Variants in CTNNA3 observed in about 807,000 individuals in gnomAD.
The protein encoded by CTNNA3 is catenin alpha 3, also known as catenin alpha-3.
A neutral mutation model predicts 95.7 loss-of-function variants in CTNNA3; 76 were observed. The observed-to-expected ratio is 0.79, with a 90% CI of 0.66 to 0.96. The LOEUF is 0.96. Ranked by LOEUF, CTNNA3 falls within the 40% of genes least tolerant of loss-of-function variation. CTNNA3 has a pLI of 0.00. For missense variants in CTNNA3, 1,191 were observed against 1,089.8 expected, an observed-to-expected ratio of 1.09 and a Z score of -1.31; for synonymous variants, 431 against 374.4, an observed-to-expected ratio of 1.15 and a Z score of -1.74.
intron 7 of CTNNA3, among the ~76,000 whole-genome samples, chr10:66,824,896 G>C (rs576509895): frequency 6.6e-6 from 1 of 152,200 alleles, no homozygotes; most frequent in East Asian, 1.9e-4. Flanking sequence ...GTGGAGTTTG[G>C]TTAACATTAA....
At chr10:66,416,539 A>T (rs1464796532) in intron 11 of CTNNA3, among the ~76,000 whole-genome samples, 1 of 132,374 alleles carries the variant, frequency 7.6e-6, no homozygotes, top group Non-Finnish European at 1.6e-5. Context: ...AAAATAGAGA[A>T]TTTTTTTTTT....
chr10:66,887,402 A>C (rs1378282772), intron 7 of CTNNA3, among the ~76,000 whole-genome samples: 1 of 152,210 alleles, frequency 6.6e-6, no homozygotes, highest in Non-Finnish European at 1.5e-5. Flanking sequence ...ATGCTAAAAG[A>C]AAAAGTCTAG....
intron 11 of CTNNA3, among the ~76,000 whole-genome samples, chr10:66,504,656 G>A (rs1045077622): frequency 2.6e-5 from 4 of 152,022 alleles, no homozygotes; most frequent in South Asian, 2.1e-4. Context: ...ATATCCTAAA[G>A]GATTCACCAT....
At chr10:67,035,556 G>C (rs1157919891) in intron 7 of CTNNA3, among the ~76,000 whole-genome samples, 1 of 152,044 alleles carries the variant, frequency 6.6e-6, no homozygotes, top group African/African-American at 2.4e-5. Flanking sequence ...CTAACTCGGA[G>C]AACTTTTTGA....
At chr10:66,191,056 A>C (rs756181771) in intron 13 of CTNNA3, among the ~76,000 whole-genome samples, 11 of 152,136 alleles carry the variant, frequency 7.2e-5, no homozygotes, top group Non-Finnish European at 1.5e-5. Context: ...TATACTTTCT[A>C]GTGTGATGTG....
At chr10:67,259,538 G>A (rs1252721533) in intron 5 of CTNNA3, among the ~76,000 whole-genome samples, 1 of 152,192 alleles carries the variant, frequency 6.6e-6, no homozygotes, top group South Asian at 2.1e-4. Flanking sequence ...TTTACAGAGT[G>A]AATAATACTT....
intron 7 of CTNNA3, among the ~76,000 whole-genome samples, chr10:67,021,281 C>T (rs1008216146): frequency 6.6e-6 from 1 of 152,142 alleles, no homozygotes; most frequent in Non-Finnish European, 1.5e-5. Context: ...TACCATTTCA[C>T]ACCTTTAAAA....
At chr10:66,375,440 C>T (rs1401994927) in intron 12 of CTNNA3, among the ~76,000 whole-genome samples, 2 of 152,008 alleles carry the variant, frequency 1.3e-5, no homozygotes, top group Non-Finnish European at 2.9e-5. Flanking sequence ...GGTCAAAACT[C>T]CACTGGCCAC....
At chr10:66,794,436 C>G (rs1296374839) in intron 7 of CTNNA3, among the ~76,000 whole-genome samples, 2 of 152,206 alleles carry the variant, frequency 1.3e-5, no homozygotes, top group African/African-American at 4.8e-5. Context: ...CACTCTACCA[C>G]ACTATAGTCT....
chr10:66,536,777 C>T (rs939822276), intron 10 of CTNNA3, among the ~76,000 whole-genome samples: 14 of 151,984 alleles, frequency 9.2e-5, no homozygotes, highest in African/African-American at 1.4e-4. Context: ...GTAATTGAAC[C>T]TAAGTTTATT....
intron 3 of CTNNA3, among the ~76,000 whole-genome samples, chr10:67,561,885 C>T (rs536542877): frequency 1.3e-5 from 2 of 152,252 alleles, no homozygotes; most frequent in South Asian, 4.1e-4. Context: ...ACTAGAAAAT[C>T]TCAAAGAAAT....
chr10:66,185,937 C>A (rs79222120), intron 13 of CTNNA3, among the ~76,000 whole-genome samples: 11,188 of 151,092 alleles, frequency 0.074, 500 homozygotes, highest in African/African-American at 0.12. Flanking sequence ...CTCTCTCTCT[C>A]TATATATATA....
At chr10:66,862,254 G>A (rs1023733477) in intron 7 of CTNNA3, among the ~76,000 whole-genome samples, 1 of 152,034 alleles carries the variant, frequency 6.6e-6, no homozygotes, top group African/African-American at 2.4e-5. Flanking sequence ...ATGTTTTTGT[G>A]ACCAGAAATA....
intron 1 of CTNNA3, chr10:67,750,287 G>GC: frequency 1.3e-6 from 2 of 1,521,094 alleles, no homozygotes; most frequent in Non-Finnish European, 1.8e-6. Context: ...ACCAACCATG[G>GC]CCATCTTTGT....
intron 15 of CTNNA3, among the ~76,000 whole-genome samples, chr10:66,022,622 CACACACACACAT>C (rs1444230654): frequency 2.7e-4 from 21 of 77,512 alleles, no homozygotes; most frequent in East Asian, 4.1e-4. Flanking sequence ...CACACACACA[CACACACACACAT>C]ACACACACAC....
At chr10:67,737,677 G>C (rs566004685) in intron 1 of CTNNA3, among the ~76,000 whole-genome samples, 5 of 152,316 alleles carry the variant, frequency 3.3e-5, no homozygotes, top group African/African-American at 9.6e-5. Flanking sequence ...CTGGCCATCA[G>C]AGAAATGCAA....
At chr10:66,050,574 G>A (rs185817687) in intron 15 of CTNNA3, among the ~76,000 whole-genome samples, 1 of 152,220 alleles carries the variant, frequency 6.6e-6, no homozygotes, top group Non-Finnish European at 1.5e-5. Context: ...TGGGACGACA[G>A]GCTAGGGCCA....
At chr10:67,145,732 T>C (rs1264442744) in intron 7 of CTNNA3, among the ~76,000 whole-genome samples, 2 of 152,120 alleles carry the variant, frequency 1.3e-5, no homozygotes, top group African/African-American at 4.8e-5. Flanking sequence ...CCCGGCCTGA[T>C]ATTATTTTTT....
At chr10:67,465,299 C>T (rs536543447) in intron 5 of CTNNA3, among the ~76,000 whole-genome samples, 4 of 152,006 alleles carry the variant, frequency 2.6e-5, no homozygotes, top group Non-Finnish European at 5.9e-5. Context: ...CAGCCTTAAT[C>T]GCCCAACTCA....
Sources: allele counts gnomAD v4.1 joint callset (sites outside exome capture counted in the v4.1 genomes callset), GRCh38; gene constraint gnomAD v4.1.1; transcripts MANE v1.5; gene names NCBI Gene and HGNC (gene_info 2026-07-23, HGNC 2026-07-21).